The following RBM19 variants were observed in gnomAD, a reference collection of about 807,000 sequenced individuals.
RBM19 encodes RNA binding motif protein 19.
Under a neutral mutation model 116.8 loss-of-function variants are expected in RBM19, and 94 were observed. The ratio of observed to expected loss-of-function variants is 0.80; its 90% confidence interval spans 0.68 to 0.95. RBM19 has a LOEUF of 0.95. RBM19 is among the 40% of genes least tolerant of loss of function. The pLI is 0.00. For missense variants in RBM19, 1,161 were observed against 1,220.7 expected, an observed-to-expected ratio of 0.95 and a Z score of 0.73; for synonymous variants, 475 against 494.1, an observed-to-expected ratio of 0.96 and a Z score of 0.51.
chr12:113,959,089 C>G (rs996789283), intron 5 of RBM19, 123 bp downstream of exon 5: 3 of 1,005,118 alleles, frequency 3.0e-6, no homozygotes, highest in Non-Finnish European at 4.4e-6. Flanking sequence ...ATCATCACCC[C>G]CAATGGAGAG....
At chr12:113,942,968 C>T (rs999734400) in intron 13 of RBM19, among the ~76,000 whole-genome samples, 7 of 152,150 alleles carry the variant, frequency 4.6e-5, no homozygotes, top group African/African-American at 1.4e-4. Context: ...CCAGGGTCCC[C>T]TCTCCTGCAC....
At chr12:113,831,538 C>A (rs1875410094) in intron 23 of RBM19, among the ~76,000 whole-genome samples, 1 of 152,170 alleles carries the variant, frequency 6.6e-6, no homozygotes, top group Non-Finnish European at 1.5e-5. Flanking sequence ...CTCTGAAATT[C>A]TCCTTCTGTC....
intron 15 of RBM19, among the ~76,000 whole-genome samples, chr12:113,939,575 C>T (rs912080145): frequency 2.6e-5 from 4 of 151,674 alleles, no homozygotes; most frequent in Admixed American, 6.6e-5. Context: ...CGGTGAAACC[C>T]CGTCTCTACC....
chr12:113,963,578 G>A (rs546068842), intron 1 of RBM19, among the ~76,000 whole-genome samples: 1 of 152,278 alleles, frequency 6.6e-6, no homozygotes, highest in African/African-American at 2.4e-5. Flanking sequence ...TAGAGAAAAT[G>A]AAACTCATAA....
intron 19 of RBM19, among the ~76,000 whole-genome samples, chr12:113,920,058 C>T (rs555137766): frequency 6.8e-4 from 103 of 152,312 alleles, no homozygotes; most frequent in Non-Finnish European, 1.3e-3. Context: ...GCTTTTCAAA[C>T]GTACTAAGCT....
At chr12:113,909,640 AGAG>A (rs1882301977) in intron 21 of RBM19, among the ~76,000 whole-genome samples, 1 of 152,184 alleles carries the variant, frequency 6.6e-6, no homozygotes, top group Non-Finnish European at 1.5e-5. Flanking sequence ...AGCTTCCCAC[AGAG>A]AAGACAGCGG....
intron 21 of RBM19, among the ~76,000 whole-genome samples, chr12:113,904,040 C>T (rs951741596): frequency 1.9e-4 from 29 of 152,246 alleles, no homozygotes; most frequent in African/African-American, 4.6e-4. Context: ...GCAAGGACTC[C>T]TACATTCTGT....
At chr12:113,925,165 T>A (rs1320862969) in intron 17 of RBM19, among the ~76,000 whole-genome samples, 2 of 152,228 alleles carry the variant, frequency 1.3e-5, no homozygotes, top group Admixed American at 1.3e-4. Context: ...CTTTACTTTT[T>A]CTGTCTCCTT....
At chr12:113,952,842 C>T (rs946483875) in intron 7 of RBM19, among the ~76,000 whole-genome samples, 1 of 152,170 alleles carries the variant, frequency 6.6e-6, no homozygotes, top group Non-Finnish European at 1.5e-5. Flanking sequence ...ATGTCACGAT[C>T]CGCATTTCAA....
Position 113,909,570 on chromosome 12 carries a change from G to A in RBM19, c.2558+5399C>T, listed in dbSNP as rs75868956. 4.1e-3 allele frequency among the ~76,000 whole-genome samples: 620 copies of A among 152,344 alleles called. 14 individuals carry two copies. In the East Asian group the frequency reaches 0.055, roughly 13 times the overall value. On this transcript the variant is annotated intron_variant, in intron 21 of 23. Coordinates refer to ENST00000261741, the MANE Select transcript of RBM19 (RefSeq NM_016196.4). ...TGAACCACCTGTCGGTAAAAAGGAAGGGAGGGAGCGGTGAAGGAAGAAAGC... is the reference window on the plus strand; with the variant it reads ...TGAACCACCTGTCGGTAAAAAGGAAAGGAGGGAGCGGTGAAGGAAGAAAGC...
intron 21 of RBM19, among the ~76,000 whole-genome samples, chr12:113,867,245 C>T (rs934671867): frequency 1.3e-5 from 2 of 152,250 alleles, no homozygotes; most frequent in African/African-American, 4.8e-5. Flanking sequence ...TGTGGCTACA[C>T]TTAATGAATG....
At chr12:113,887,866 G>A (rs1880651818) in intron 21 of RBM19, among the ~76,000 whole-genome samples, 1 of 151,932 alleles carries the variant, frequency 6.6e-6, no homozygotes, top group African/African-American at 2.4e-5. Flanking sequence ...GACTACAAGA[G>A]TGCACCAACA....
At chr12:113,941,651 CTCCATCCATCCA>C (rs548473938) in intron 14 of RBM19, among the ~76,000 whole-genome samples, 1 of 146,550 alleles carries the variant, frequency 6.8e-6, no homozygotes, top group African/African-American at 2.7e-5. Flanking sequence ...CATATTCATC[CTCCATCCATCCA>C]TCCATCCATC....
At chr12:113,953,451 G>A (rs981000172) in intron 7 of RBM19, among the ~76,000 whole-genome samples, 1 of 152,216 alleles carries the variant, frequency 6.6e-6, no homozygotes, top group Non-Finnish European at 1.5e-5. Context: ...TTGCACCATT[G>A]TACTCCAGCC....
chr12:113,829,283 T>C (rs948314278), intron 23 of RBM19, among the ~76,000 whole-genome samples: 3 of 152,194 alleles, frequency 2.0e-5, no homozygotes, highest in African/African-American at 4.8e-5. Context: ...GTCCAGCCAG[T>C]TGTGCCTTTT....
intron 1 of RBM19, among the ~76,000 whole-genome samples, chr12:113,965,951 A>G (rs896829566): frequency 6.6e-6 from 1 of 152,140 alleles, no homozygotes; most frequent in Admixed American, 6.5e-5. Flanking sequence ...TCTCCCCGAG[A>G]AGAGGTGTGT....
intron 20 of RBM19, among the ~76,000 whole-genome samples, chr12:113,915,873 G>A (rs879174233): frequency 2.0e-5 from 3 of 152,142 alleles, no homozygotes; most frequent in South Asian, 2.1e-4. Flanking sequence ...GACCATGTTA[G>A]GACTTACCTC....
intron 22 of RBM19, among the ~76,000 whole-genome samples, chr12:113,856,760 A>G (rs1301375894): frequency 1.3e-5 from 2 of 152,198 alleles, no homozygotes; most frequent in African/African-American, 4.8e-5. Context: ...TGTCACCACC[A>G]ATGCCTTCCG....
At chr12:113,832,130 G>A (rs1875475618) in intron 23 of RBM19, among the ~76,000 whole-genome samples, 1 of 152,026 alleles carries the variant, frequency 6.6e-6, no homozygotes, top group South Asian at 2.1e-4. Context: ...TTCCCAACAT[G>A]ACCAGGAGCT....
Sources: gnomAD v4.1 joint callset for allele counts (sites outside exome capture counted in the v4.1 genomes callset) on GRCh38, gnomAD v4.1.1 for gene constraint, MANE v1.5 for transcripts, NCBI Gene and HGNC (gene_info 2026-07-23, HGNC 2026-07-21) for gene names.